Variants in NFE2 observed in about 807,000 individuals in gnomAD.
The protein encoded by NFE2 is transcription factor NF-E2 45 kDa subunit.
Under a neutral mutation model 25.8 loss-of-function variants are expected in NFE2, and 13 were observed. The observed-to-expected ratio is 0.50, with a 90% confidence interval of 0.33 to 0.80. NFE2 has a LOEUF of 0.80. NFE2 is among the 30% of genes least tolerant of loss of function. The probability of loss-of-function intolerance (pLI) is 0.02; values close to 1 mark genes in which losing one functional copy is unlikely to be tolerated. For missense variants in NFE2, 382 were observed against 478.9 expected (o/e 0.80, Z 1.89); for synonymous variants, 204 against 200.2 (o/e 1.02, Z -0.16).
At chr12:54,297,081 A>G (rs1273720660) in intron 1 of NFE2, among the ~76,000 whole-genome samples, 3 of 152,066 alleles carry the variant, frequency 2.0e-5, no homozygotes, top group Non-Finnish European at 4.4e-5. Flanking sequence ...GCAGGCTAGG[A>G]TGAAGGAAAC....
Position 54,292,483 on chromosome 12 carries a change from C to A in NFE2, c.1013G>T (p.Arg338Leu). The A allele has an allele frequency of 6.2e-7, 1 of 1,614,164 alleles. No homozygotes were observed. Among genetic ancestry groups the A allele is most frequent in the Non-Finnish European group, 8.5e-7 (1 of 1,180,042 alleles). The change falls in exon 3 of 3, where the codon CGG becomes CTG. Residue 338 changes from arginine to leucine, a missense_variant. Coordinates refer to ENST00000435572, the MANE Select transcript of NFE2 (RefSeq NM_001136023.3). ...AGAGTAGCTGTTGCCTGATTCATCC[C>A]GAAGGTGCTGGAAAATGTCACGGTA... The part of the protein sequence containing the change: ...ELYRDIFQHL[R>L]DESGNSYSPE...
intron 2 of NFE2, among the ~76,000 whole-genome samples, chr12:54,294,922 C>T (rs925455655): frequency 6.6e-6 from 1 of 152,122 alleles, no homozygotes; most frequent in East Asian, 1.9e-4. Context: ...CACTCCCAAT[C>T]AGATCATTCC....
chr12:54,293,405 T>C, intron 2 of NFE2, 24 bp from the exon 3 acceptor site: 1 of 1,445,458 alleles, frequency 6.9e-7, no homozygotes, highest in Non-Finnish European at 9.2e-7. Context: ...CACAAAGAGA[T>C]TTGGAGACAG....
chr12:54,295,398 A>C lies in NFE2; in HGVS notation c.-56-94T>G, dbSNP rs1002001946. On this transcript the variant is annotated intron_variant, in intron 1 of 2. Coordinates refer to ENST00000435572, the MANE Select transcript of NFE2 (RefSeq NM_001136023.3). ...GAGGGGCTCCCTCCAGCTTCCCCTG[A>C]GGGAAGGAGAGACCGCCTCCTCCCC... 1.0e-5 allele frequency: 6 copies of C among 600,842 alleles called. No homozygotes were observed. In the Admixed American group the frequency reaches 1.7e-4, roughly 17 times the overall value. The allele number at this position is 600,842 out of a possible 1,614,324, so 37.2% of individuals were successfully genotyped here.
At chr12:54,299,478 T>G (rs539718384) in intron 1 of NFE2, among the ~76,000 whole-genome samples, 1 of 152,200 alleles carries the variant, frequency 6.6e-6, no homozygotes, top group Admixed American at 6.5e-5. Flanking sequence ...TTACTCCCAC[T>G]GGGTTGTCTG....
chr12:54,298,074 C>A (rs1944389652), intron 1 of NFE2, among the ~76,000 whole-genome samples: 2 of 152,266 alleles, frequency 1.3e-5, no homozygotes, highest in Middle Eastern at 3.4e-3. Flanking sequence ...GAGGCAGAGA[C>A]AATGACTCTT....
chr12:54,296,339 G>A (rs1944372095), intron 1 of NFE2, among the ~76,000 whole-genome samples: 1 of 150,610 alleles, frequency 6.6e-6, no homozygotes. Flanking sequence ...GAACCCAGGA[G>A]GTGGAGGCTG....
chr12:54,294,747 T>C (rs1944354454), intron 2 of NFE2, among the ~76,000 whole-genome samples: 1 of 152,146 alleles, frequency 6.6e-6, no homozygotes, highest in African/African-American at 2.4e-5. Context: ...ACTGCTCTGT[T>C]ACCTGGGGTA....
At chr12:54,299,265 C>T (rs915004604) in intron 1 of NFE2, among the ~76,000 whole-genome samples, 3 of 152,140 alleles carry the variant, frequency 2.0e-5, no homozygotes, top group African/African-American at 7.2e-5. Context: ...CAGAGCCTAC[C>T]TTTCAGAGGA....
At chr12:54,297,053 C>T (rs1286389952) in intron 1 of NFE2, among the ~76,000 whole-genome samples, 1 of 151,838 alleles carries the variant, frequency 6.6e-6, no homozygotes, top group African/African-American at 2.4e-5. Flanking sequence ...ACATACCGTG[C>T]CATATCAGTA....
Position 54,292,515 on chromosome 12 carries a change from T to C in NFE2, c.981A>G (p.Thr327=). 6.2e-7 allele frequency: 1 copy of C among 1,614,214 alleles called. No individual in the cohort carries two copies. The highest frequency in any genetic ancestry group is 8.5e-7 in the Non-Finnish European group (1 of 1,180,034). Residue 327 remains threonine, a synonymous_variant, in exon 3 of 3, where the codon ACA becomes ACG. Transcript: ENST00000435572. ...RTLEVMRQQL[T]ELYRDIFQHL... is the part of the protein sequence containing the mutation. ...GCTGGAAAATGTCACGGTACAGCTC[T>C]GTCAGCTGTTGGCGCATGACCTCCA...
intron 1 of NFE2, among the ~76,000 whole-genome samples, chr12:54,299,596 T>A (rs982827951): frequency 2.0e-5 from 3 of 152,106 alleles, no homozygotes; most frequent in African/African-American, 7.2e-5. Context: ...CCCAGAAAGA[T>A]TTTTATCATA....
Position 54,295,125 on chromosome 12 carries a change from C to T in NFE2, c.114+10G>A, listed in dbSNP as rs766625848. 2.4e-5 allele frequency: 38 copies of T among 1,610,476 alleles called. 1 individual carries two copies. The East Asian group carries it at 7.6e-4, about 32-fold the overall frequency. On this transcript the variant is annotated intron_variant, in intron 2 of 2. Coordinates refer to ENST00000435572, the MANE Select transcript of NFE2 (RefSeq NM_001136023.3). ...ACACGGCCTCCCCTGCCCTATCCCCCCTTACTCACCTGCAGCTCGGTGATG... is the reference window on the plus strand; with the variant it reads ...ACACGGCCTCCCCTGCCCTATCCCCTCTTACTCACCTGCAGCTCGGTGATG...
At chr12:54,293,638 C>T (rs1458148098) in intron 2 of NFE2, among the ~76,000 whole-genome samples, 1 of 151,084 alleles carries the variant, frequency 6.6e-6, no homozygotes, top group Non-Finnish European at 1.5e-5. Context: ...CACCTGAGGT[C>T]AGGAGTTCGA....
Position 54,292,463 on chromosome 12 carries a change from A to G in NFE2, c.1033T>C (p.Tyr345His). The G allele has an allele frequency of 6.2e-7, 1 of 1,614,174 alleles. No individual in the cohort carries two copies. Among genetic ancestry groups the G allele is most frequent in the Non-Finnish European group, 8.5e-7 (1 of 1,180,036 alleles). ...TGCAGCGCGTACTCTTCAGGAGAGT[A>G]GCTGTTGCCTGATTCATCCCGAAGG... Reference protein sequence around the residue: ...QHLRDESGNSYSPEEYALQQA... With the variant: ...QHLRDESGNSHSPEEYALQQA... The change falls in exon 3 of 3, where the codon TAC becomes CAC. Residue 345 changes from tyrosine (Y) to histidine (H), a missense_variant. Tyr to His is a moderately conservative substitution (Grantham distance 83). Coordinates refer to ENST00000435572, the MANE Select transcript of NFE2 (RefSeq NM_001136023.3).
Position 54,292,701 on chromosome 12 carries a change from C to A in NFE2, c.795G>T (p.Ala265=). The A allele has an allele frequency of 1.2e-6, 2 of 1,614,196 alleles. No individual in the cohort carries two copies. Among genetic ancestry groups the A allele is most frequent in the Non-Finnish European group, 1.7e-6 (2 of 1,180,040 alleles). The change falls in exon 3 of 3, where the codon GCG becomes GCT. Residue 265 remains alanine (A), a synonymous_variant. Transcript: ENST00000435572. The part of the protein sequence containing the change: ...ARYPLTESQL[A]LVRDIRRRGK... ...CCCGTCGTCGGATGTCCCGGACTAG[C>A]GCTAGCTGGCTCTCTGTCAGCGGGT...
In NFE2 at chr12:54,301,005, C is replaced by G. The variant is rs1944420007; in HGVS notation, c.-261G>C. On this transcript the variant is annotated 5_prime_UTR_variant, in exon 1 of 3. Coordinates refer to ENST00000435572, the MANE Select transcript of NFE2 (RefSeq NM_001136023.3). ...TGAGCACAGGAGCCCCAAGCAGGCG[C>G]ACCAGCGTCTGAAGCCCTCGGCCTG... is the stretch of plus-strand genomic sequence containing the variant. 1 of 152,392 alleles carries G rather than the reference C, an allele frequency of 6.6e-6. No individual in the cohort carries two copies. The highest frequency in any genetic ancestry group is 1.5e-5 in the Non-Finnish European group (1 of 68,156). 9.4% of individuals were successfully genotyped at this position (152,392 alleles called of 1,614,324 possible). A position where few individuals can be genotyped will look rare whatever the true frequency, so the allele number is the denominator to read the frequency against.
rs779398725 is a variant in NFE2, at chr12:54,295,193, G to T, written c.56C>A (p.Ser19Ter). The change falls in exon 2 of 3, where the codon TCA becomes TAA. Residue 19 changes from serine (S) to a stop codon, truncating the protein, a stop_gained. Transcript: ENST00000435572. LOFTEE classifies it high-confidence loss of function. ...AGTCAGTTCCATCTCTCCTAGCTCTGAAGTGGACAGCTGTATCACCCTGTT... is the reference window on the plus strand; with the variant it reads ...AGTCAGTTCCATCTCTCCTAGCTCTTAAGTGGACAGCTGTATCACCCTGTT... ...SRNRVIQLST[S>*]ELGEMELTWQ... The T allele has an allele frequency of 3.7e-6, 6 of 1,614,138 alleles. No homozygotes were observed. The South Asian group carries it at 6.6e-5, about 18-fold the overall frequency.
At chr12:54,294,469 G>T (rs1944350415) in intron 2 of NFE2, among the ~76,000 whole-genome samples, 1 of 152,064 alleles carries the variant, frequency 6.6e-6, no homozygotes, top group African/African-American at 2.4e-5. Context: ...GGTAGTAAAA[G>T]GGGGGTGGCT....
Sources: gnomAD v4.1 joint callset for allele counts (sites outside exome capture counted in the v4.1 genomes callset) on GRCh38, gnomAD v4.1.1 for gene constraint, MANE v1.5 for transcripts, NCBI Gene and HGNC (gene_info 2026-07-23, HGNC 2026-07-21) for gene names.